TTBK2: variants seen among roughly 807,000 people sequenced by gnomAD.
The protein encoded by TTBK2 is tau-tubulin kinase 2.
Under a neutral mutation model 110.8 loss-of-function variants are expected in TTBK2, and 28 were observed. That is an observed-to-expected ratio of 0.25 (90% CI 0.19 to 0.35). TTBK2 has a LOEUF of 0.35. TTBK2 is among the 10% of genes least tolerant of loss of function. The pLI, the probability that TTBK2 is intolerant of heterozygous loss-of-function variation, is 1.00. For missense variants in TTBK2, 1,369 were observed against 1,500.3 expected, an observed-to-expected ratio of 0.91 and a Z score of 1.45; for synonymous variants, 532 against 527.3, an observed-to-expected ratio of 1.01 and a Z score of -0.12.
chr15:42,813,382 T>TCC (rs1891804348), intron 7 of TTBK2, among the ~76,000 whole-genome samples: 1 of 150,908 alleles, frequency 6.6e-6, no homozygotes, highest in South Asian at 2.1e-4. Context: ...ATTAGCCAAG[T>TCC]GTGGTGGTGA....
chr15:42,840,756 A>C (rs1291276206), intron 3 of TTBK2, among the ~76,000 whole-genome samples: 2 of 152,354 alleles, frequency 1.3e-5, no homozygotes, highest in South Asian at 2.1e-4. Flanking sequence ...GATACAATAC[A>C]TATGAAGCCA....
At chr15:42,853,036 A>G (rs1893782910) in intron 3 of TTBK2, among the ~76,000 whole-genome samples, 1 of 152,242 alleles carries the variant, frequency 6.6e-6, no homozygotes, top group African/African-American at 2.4e-5. Flanking sequence ...TGTCTAATCC[A>G]GAAATTACAT....
intron 6 of TTBK2, 148 bp from the exon 7 acceptor site, chr15:42,817,245 C>A: frequency 1.9e-5 from 8 of 420,398 alleles, no homozygotes; most frequent in Non-Finnish European, 2.0e-5. Flanking sequence ...TATGAAATTA[C>A]AAGAAACTAG....
At chr15:42,796,132 G>A (rs745419116) in intron 9 of TTBK2, among the ~76,000 whole-genome samples, 11 of 152,226 alleles carry the variant, frequency 7.2e-5, no homozygotes, top group East Asian at 1.9e-4. Flanking sequence ...GGCCACGCAC[G>A]GTGGCTCACG....
chr15:42,898,020 T>C (rs974409217), intron 1 of TTBK2, among the ~76,000 whole-genome samples: 1 of 151,924 alleles, frequency 6.6e-6, no homozygotes, highest in African/African-American at 2.4e-5. Flanking sequence ...TGAAACTCCA[T>C]ATCTATAAAA....
intron 14 of TTBK2, among the ~76,000 whole-genome samples, chr15:42,747,641 G>A (rs1390105929): frequency 6.6e-6 from 1 of 152,224 alleles, no homozygotes; most frequent in Non-Finnish European, 1.5e-5. Flanking sequence ...CGGAGCTCAG[G>A]CGGTAATGCC....
At chr15:42,853,713 A>G (rs578154224) in intron 3 of TTBK2, among the ~76,000 whole-genome samples, 3 of 152,236 alleles carry the variant, frequency 2.0e-5, no homozygotes, top group African/African-American at 7.2e-5. Flanking sequence ...CGTCAGATTG[A>G]ACATACTATG....
rs772736818 is a variant in TTBK2, at chr15:42,752,882, A to T, written c.2364T>A (p.Asn788Lys). 1 of 1,614,122 alleles carries T rather than the reference A, an allele frequency of 6.2e-7. No individual in the cohort carries two copies. The highest frequency in any genetic ancestry group is 8.5e-7 in the Non-Finnish European group (1 of 1,180,032). Residue 788 changes from asparagine (N) to lysine (K), a missense_variant, in exon 14 of 15, where the codon AAT becomes AAA. This residue lies in a region of TTBK2 where 1,097 missense variants were observed against 1,114.7 expected (regional missense o/e 0.98). Coordinates refer to ENST00000267890, the MANE Select transcript of TTBK2 (RefSeq NM_173500.4). ...EEKSILLESD[N>K]EDEKLSRGQH... Reference sequence around the variant, plus strand: ...GCCCTCTACTTAACTTCTCATCTTCATTATCTGACTCTAAAAGGATGCTTT... The same window carrying T: ...GCCCTCTACTTAACTTCTCATCTTCTTTATCTGACTCTAAAAGGATGCTTT...
At chr15:42,852,858 A>T (rs1893775960) in intron 3 of TTBK2, among the ~76,000 whole-genome samples, 1 of 152,242 alleles carries the variant, frequency 6.6e-6, no homozygotes, top group African/African-American at 2.4e-5. Flanking sequence ...AATGCAGAGG[A>T]TGAAATAAAC....
intron 3 of TTBK2, among the ~76,000 whole-genome samples, chr15:42,865,750 G>T (rs999263752): frequency 2.0e-5 from 3 of 152,116 alleles, no homozygotes; most frequent in African/African-American, 7.2e-5. Context: ...TTGAGCCCAG[G>T]AGTTCAAAGC....
At chr15:42,758,934 C>G (rs1035551818) in intron 13 of TTBK2, among the ~76,000 whole-genome samples, 3 of 152,208 alleles carry the variant, frequency 2.0e-5, no homozygotes, top group Admixed American at 6.5e-5. Context: ...ATTAGGAGAA[C>G]AAGGTAAGCA....
chr15:42,808,923 T>A (rs1891592601), intron 9 of TTBK2, among the ~76,000 whole-genome samples: 1 of 152,138 alleles, frequency 6.6e-6, no homozygotes, highest in Admixed American at 6.5e-5. Context: ...GGAATGAATC[T>A]CAAACTGTAA....
intron 3 of TTBK2, among the ~76,000 whole-genome samples, chr15:42,849,931 C>T (rs1423600575): frequency 6.6e-6 from 1 of 152,100 alleles, no homozygotes; most frequent in African/African-American, 2.4e-5. Flanking sequence ...TCCCCTTTTC[C>T]AGTCTTCCAG....
chr15:42,769,879 T>C (rs1889582501), intron 13 of TTBK2, among the ~76,000 whole-genome samples: 1 of 152,042 alleles, frequency 6.6e-6, no homozygotes, highest in South Asian at 2.1e-4. Context: ...ATAGACTGGA[T>C]TAAGAAAATG....
chr15:42,828,126 C>G, intron 5 of TTBK2, 94 bp from the exon 6 acceptor site: 1 of 905,178 alleles, frequency 1.1e-6, no homozygotes, highest in Non-Finnish European at 1.7e-6. Flanking sequence ...TCTATTTAAG[C>G]TCTATATAAC....
At chr15:42,810,473 C>T in intron 9 of TTBK2, 141 bp downstream of exon 9, 2 of 1,041,374 alleles carry the variant, frequency 1.9e-6, no homozygotes, top group Non-Finnish European at 2.9e-6. Context: ...GTTAATTTCA[C>T]CATGTTTCTC....
intron 10 of TTBK2, among the ~76,000 whole-genome samples, chr15:42,792,148 A>G (rs535199968): frequency 2.3e-4 from 35 of 152,342 alleles, no homozygotes; most frequent in Non-Finnish European, 4.3e-4. Context: ...GCAAACAAAC[A>G]AACAAAAATA....
At chr15:42,836,296 G>A (rs2141003828) in intron 4 of TTBK2, among the ~76,000 whole-genome samples, 1 of 152,162 alleles carries the variant, frequency 6.6e-6, no homozygotes, top group Admixed American at 6.5e-5. Context: ...TCAGCAGGAG[G>A]AAAAGAACAA....
chr15:42,872,695 C>T lies in TTBK2; in HGVS notation c.133G>A (p.Glu45Lys). 1 of 1,614,136 alleles carries T rather than the reference C, an allele frequency of 6.2e-7. No homozygotes were observed. Among genetic ancestry groups the T allele is most frequent in the Non-Finnish European group, 8.5e-7 (1 of 1,180,022 alleles). ...GATTCCACCTTCAGTGCAACATTTTCCCTGGTGAGCATGTCCAAGGCATCG... is the reference window on the plus strand; with the variant it reads ...GATTCCACCTTCAGTGCAACATTTTTCCTGGTGAGCATGTCCAAGGCATCG... ...IYDALDMLTR[E>K]NVALKVESAQ... Residue 45 changes from glutamate (E) to lysine (K), a missense_variant, in exon 3 of 15, where the codon GAA becomes AAA. Glu to Lys is a moderately conservative substitution (Grantham distance 56, BLOSUM62 1). Transcript: ENST00000267890.
Sources: allele counts gnomAD v4.1 joint callset (sites outside exome capture counted in the v4.1 genomes callset), GRCh38; gene constraint gnomAD v4.1.1; regional missense constraint gnomAD v4.1.1; transcripts MANE v1.5; gene names NCBI Gene and HGNC (gene_info 2026-07-23, HGNC 2026-07-21).